Variants in SIMC1 observed in about 807,000 individuals in gnomAD.
The protein encoded by SIMC1 is SUMO interacting motifs containing 1.
In SIMC1, 55 loss-of-function variants were observed where a neutral mutation model predicts 82.3. The ratio of observed to expected loss-of-function variants is 0.67; its 90% CI spans 0.54 to 0.84. The LOEUF is 0.84. Ranked by LOEUF, SIMC1 falls within the 40% of genes least tolerant of loss-of-function variation. The pLI is 0.00. For synonymous variants in SIMC1, 353 were observed against 426.3 expected, an observed-to-expected ratio of 0.83 and a Z score of 2.12; for missense variants, 915 against 1,107.2, an observed-to-expected ratio of 0.83 and a Z score of 2.46.
At chr5:176,342,299 TGC>T (rs1766184439) in intron 9 of SIMC1, among the ~76,000 whole-genome samples, 1 of 152,226 alleles carries the variant, frequency 6.6e-6, no homozygotes, top group African/African-American at 2.4e-5. Flanking sequence ...ATACCCTGTT[TGC>T]TCTCAAAGGC....
At chr5:176,294,780 G>A (rs1227150605) in intron 2 of SIMC1, among the ~76,000 whole-genome samples, 2 of 151,260 alleles carry the variant, frequency 1.3e-5, no homozygotes, top group Non-Finnish European at 2.9e-5. Context: ...GGCTAACACC[G>A]TGAAACCCTG....
At position 176,290,460 on chromosome 5, in the gene SIMC1, A is replaced by C. The variant is rs919707338; in HGVS notation, c.936A>C (p.Pro312=). 8.7e-6 allele frequency: 14 copies of C among 1,613,848 alleles called. No homozygotes were observed. Among genetic ancestry groups the C allele is most frequent in the Non-Finnish European group, 1.2e-5 (14 of 1,179,776 alleles). The change falls in exon 2 of 10, where the codon CCA becomes CCC. Residue 312 remains proline, a synonymous_variant. Transcript: ENST00000429602. ...VAYLQDMPRS[P]GDVPQSPSDV... is the part of the protein sequence containing the mutation. ...ACCTGCAAGACATGCCACGGTCACC[A>C]GGAGATGTGCCACAGTCACCAAGTG...
chr5:176,325,727 A>G (rs924904998), intron 7 of SIMC1, among the ~76,000 whole-genome samples: 3 of 151,920 alleles, frequency 2.0e-5, no homozygotes, highest in Admixed American at 6.6e-5. Context: ...AATTAAATAA[A>G]TAATAAAAAT....
chr5:176,285,974 C>G (rs1180658114), intron 1 of SIMC1, among the ~76,000 whole-genome samples: 47 of 152,104 alleles, frequency 3.1e-4, no homozygotes, highest in East Asian at 7.7e-4. Context: ...CACTGCTCAA[C>G]GAAATAAAAG....
chr5:176,324,791 T>TA, intron 7 of SIMC1, 34 bp downstream of exon 7: 4 of 1,509,572 alleles, frequency 2.6e-6, no homozygotes, highest in South Asian at 2.6e-5. Flanking sequence ...GAGCAGTTAT[T>TA]TAAAAAAAAA....
chr5:176,286,438 A>G (rs1763287264), intron 1 of SIMC1, among the ~76,000 whole-genome samples: 1 of 152,266 alleles, frequency 6.6e-6, no homozygotes, highest in South Asian at 2.1e-4. Flanking sequence ...AGCCAAATGT[A>G]GAAAGCTGAA....
intron 4 of SIMC1, chr5:176,308,826 C>T (rs1424018905): frequency 4.9e-6 from 6 of 1,217,470 alleles, no homozygotes; most frequent in Non-Finnish European, 7.3e-6. Flanking sequence ...CAGCCTTACA[C>T]ATCTGGACTC....
intron 1 of SIMC1, among the ~76,000 whole-genome samples, chr5:176,250,375 T>C (rs527385075): frequency 6.6e-6 from 1 of 152,326 alleles, no homozygotes; most frequent in South Asian, 2.1e-4. Flanking sequence ...AGTGTTTTAC[T>C]TCCAATTATG....
chr5:176,301,405 CT>C (rs1764034152), intron 4 of SIMC1, among the ~76,000 whole-genome samples: 1 of 152,184 alleles, frequency 6.6e-6, no homozygotes, highest in African/African-American at 2.4e-5. Context: ...AACTAAACCT[CT>C]TTCCATTATA....
At chr5:176,285,413 A>G (rs1341887722) in intron 1 of SIMC1, among the ~76,000 whole-genome samples, 3 of 152,254 alleles carry the variant, frequency 2.0e-5, no homozygotes, top group Non-Finnish European at 4.4e-5. Context: ...TAGATGCAGA[A>G]AAGGCCTTTG....
intron 1 of SIMC1, among the ~76,000 whole-genome samples, chr5:176,288,864 G>T (rs1318874846): frequency 6.6e-6 from 1 of 152,166 alleles, no homozygotes; most frequent in African/African-American, 2.4e-5. Flanking sequence ...TGGTACAGAG[G>T]TTGATTACAA....
intron 1 of SIMC1, among the ~76,000 whole-genome samples, chr5:176,288,423 G>GAATAAAA (rs1763392686): frequency 7.9e-6 from 1 of 126,738 alleles, no homozygotes; most frequent in Non-Finnish European, 1.7e-5. Context: ...ATGAATGAAT[G>GAATAAAA]AATAAATAAA....
At chr5:176,345,052 A>G (rs116685099) in intron 9 of SIMC1, 131 bp from the exon 10 acceptor site, 1 of 1,207,004 alleles carries the variant, frequency 8.3e-7, no homozygotes, top group Non-Finnish European at 1.2e-6. Flanking sequence ...AGGCACTCAC[A>G]CAGCCTTCGA....
At chr5:176,332,848 G>A (rs1181348651) in intron 7 of SIMC1, among the ~76,000 whole-genome samples, 1 of 152,158 alleles carries the variant, frequency 6.6e-6, no homozygotes, top group Non-Finnish European at 1.5e-5. Flanking sequence ...AGGATATTGT[G>A]ATTGACATAA....
chr5:176,249,368 A>C (rs2560134), intron 1 of SIMC1, among the ~76,000 whole-genome samples: 1 of 151,722 alleles, frequency 6.6e-6, no homozygotes. Context: ...CATTTCTTCT[A>C]GATTTTCTAG....
intron 1 of SIMC1, among the ~76,000 whole-genome samples, chr5:176,254,998 T>G (rs1581220708): frequency 1.3e-5 from 2 of 152,088 alleles, no homozygotes; most frequent in Non-Finnish European, 2.9e-5. Flanking sequence ...AGAACCTGGC[T>G]AGGCATGGTG....
In SIMC1 at chr5:176,288,571, A is replaced by G. The variant is rs1337442896; in HGVS notation, c.130-1083A>G. ...GTTCAGTTCTTGCCATTGAGAGCCA[A>G]GCCACCAAAGGTGGTGATACTATAT... On this transcript the variant is annotated intron_variant, in intron 1 of 9. Coordinates refer to ENST00000429602, the MANE Select transcript of SIMC1 (RefSeq NM_001308195.2). Among the ~76,000 whole-genome samples, 5 of 152,316 alleles carry G rather than the reference A, an allele frequency of 3.3e-5. No individual in the cohort carries two copies. The South Asian group carries it at 1.0e-3, about 32-fold the overall frequency.
intron 5 of SIMC1, 127 bp from the exon 6 acceptor site, chr5:176,322,146 G>T (rs1765189370): frequency 2.8e-6 from 3 of 1,057,968 alleles, no homozygotes; most frequent in East Asian, 2.7e-5. Context: ...GGATCTGGGG[G>T]CCCAGGTTAA....
intron 1 of SIMC1, among the ~76,000 whole-genome samples, chr5:176,252,694 G>A (rs1036880212): frequency 7.9e-5 from 12 of 151,144 alleles, no homozygotes; most frequent in Non-Finnish European, 1.3e-4. Flanking sequence ...CCTCCCAGAC[G>A]ATGGGCGGCC....
Sources: gnomAD v4.1 joint callset for allele counts (sites outside exome capture counted in the v4.1 genomes callset) on GRCh38, gnomAD v4.1.1 for gene constraint, MANE v1.5 for transcripts, NCBI Gene and HGNC (gene_info 2026-07-23, HGNC 2026-07-21) for gene names.